Variants in CCDC124 observed in about 807,000 individuals in gnomAD.
The protein encoded by CCDC124 is coiled-coil domain-containing protein 124.
Under a neutral mutation model 19.8 loss-of-function variants are expected in CCDC124, and 9 were observed. The observed-to-expected ratio is 0.45, with a 90% CI of 0.27 to 0.79. CCDC124 has a LOEUF of 0.79. Among genes scored for constraint, CCDC124 ranks in the 30% least tolerant of loss-of-function variants. The probability of loss-of-function intolerance (pLI) is 0.14; values close to 1 mark genes in which losing one functional copy is unlikely to be tolerated. For synonymous variants in CCDC124, 126 were observed against 131.3 expected (o/e 0.96, Z 0.27); for missense variants, 285 against 319.0 (o/e 0.89, Z 0.81).
chr19:17,938,477 C>G (rs1297246503), intron 2 of CCDC124, among the ~76,000 whole-genome samples: 1 of 152,188 alleles, frequency 6.6e-6, no homozygotes, highest in Non-Finnish European at 1.5e-5. Context: ...GTTTCCACAC[C>G]CTGGGTAGCT....
Position 17,943,799 on chromosome 19 carries a change from T to A in CCDC124, c.*84T>A. On this transcript the variant is annotated 3_prime_UTR_variant, in exon 5 of 5. Transcript: ENST00000445755. Reference sequence around the variant, plus strand: ...CCTTAGGCCAGGTCAGCTGCGAGGGTCACAGAGCGTTCCGGGGGCCAAGGC... The same window carrying A: ...CCTTAGGCCAGGTCAGCTGCGAGGGACACAGAGCGTTCCGGGGGCCAAGGC... 1 of 1,371,362 alleles carries A rather than the reference T, an allele frequency of 7.3e-7. No individual in the cohort carries two copies. Among genetic ancestry groups the A allele is most frequent in the Non-Finnish European group, 1.0e-6 (1 of 987,686 alleles). 84.9% of individuals were successfully genotyped at this position (1,371,362 alleles called of 1,614,324 possible).
intron 2 of CCDC124, among the ~76,000 whole-genome samples, chr19:17,940,132 C>T (rs1302890992): frequency 1.5e-5 from 2 of 137,700 alleles, no homozygotes; most frequent in African/African-American, 2.7e-5. Flanking sequence ...AGGCTGGTCT[C>T]CAACTCCTTA....
intron 1 of CCDC124, 103 bp downstream of exon 1, chr19:17,933,151 G>T (rs1258610444): frequency 6.6e-6 from 1 of 152,468 alleles, no homozygotes; most frequent in African/African-American, 2.4e-5. Flanking sequence ...CTGGAGGAGG[G>T]GTGCTGGGAG....
chr19:17,943,256 C>CCCCCCCCCCCCCA lies in CCDC124; in HGVS notation c.350-3_350-2insCCCCCCCCCCACC. ...TCTGTCTCTGTCACCCACCCACCCG[C>CCCCCCCCCCCCCA]CCAGCCGAGAAAGCCAAGAGCCATC... On this transcript the variant is annotated splice_polypyrimidine_tract_variant and splice_region_variant and intron_variant, in intron 3 of 4. Coordinates refer to ENST00000445755, the MANE Select transcript of CCDC124 (RefSeq NM_001136203.2). 6.7e-7 allele frequency: 1 copy of CCCCCCCCCCCCCA among 1,494,786 alleles called. No homozygotes were observed. The highest frequency in any genetic ancestry group is 9.0e-7 in the Non-Finnish European group (1 of 1,105,528). 92.6% of individuals were successfully genotyped at this position (1,494,786 alleles called of 1,614,324 possible).
At chr19:17,934,089 CGAGGCA>C (rs2031007090) in intron 1 of CCDC124, among the ~76,000 whole-genome samples, 1 of 151,814 alleles carries the variant, frequency 6.6e-6, no homozygotes, top group African/African-American at 2.4e-5. Flanking sequence ...TTTGAGAGGC[CGAGGCA>C]AGCGGATCAC....
rs1434813402 is a variant in CCDC124, at chr19:17,943,774, C to T, written c.*59C>T. ...TGGTCCAGGTCACGACTCTGCACGC[C>T]CTTAGGCCAGGTCAGCTGCGAGGGT... On this transcript the variant is annotated 3_prime_UTR_variant, in exon 5 of 5. Coordinates refer to ENST00000445755, the MANE Select transcript of CCDC124 (RefSeq NM_001136203.2). The T allele has an allele frequency of 2.0e-6, 3 of 1,533,796 alleles. No individual in the cohort carries two copies. The East Asian group carries it at 6.9e-5, about 36-fold the overall frequency.
intron 1 of CCDC124, among the ~76,000 whole-genome samples, chr19:17,934,097 G>A (rs746287249): frequency 6.7e-6 from 1 of 149,066 alleles, no homozygotes; most frequent in African/African-American, 2.6e-5. Context: ...GCCGAGGCAA[G>A]CGGATCACTT....
rs1043052120 is a variant in CCDC124 at position 17,943,139 on chromosome 19, C to T, written c.350-122C>T. On this transcript the variant is annotated intron_variant, in intron 3 of 4. Transcript: ENST00000445755. ...ATCAGCTGAAGTCGCGATTCCATCC[C>T]CCCTCATCTCTCCCGCCTTCCTCCC... is the stretch of plus-strand genomic sequence containing the variant. The T allele has an allele frequency of 3.3e-5, 28 of 855,600 alleles. 1 individual carries two copies. In the South Asian group the frequency reaches 3.4e-4, roughly 10 times the overall value. 53.0% of individuals were successfully genotyped at this position (855,600 alleles called of 1,614,324 possible).
In CCDC124 at chr19:17,943,943, G is replaced by T. The variant is rs1356705419; in HGVS notation, c.*228G>T. 3 of 583,156 alleles carry T rather than the reference G, an allele frequency of 5.1e-6. No individual in the cohort carries two copies. The East Asian group carries it at 8.5e-5, about 16-fold the overall frequency. The allele number at this position is 583,156 out of a possible 1,614,324, so 36.1% of individuals were successfully genotyped here. On this transcript the variant is annotated 3_prime_UTR_variant, in exon 5 of 5. Coordinates refer to ENST00000445755, the MANE Select transcript of CCDC124 (RefSeq NM_001136203.2). ...CGGCGCGTGTGTGTAGAGCCTCAGGGCTGAGTGCCCAATAAAGGTGGCGGC... is the reference window on the plus strand; with the variant it reads ...CGGCGCGTGTGTGTAGAGCCTCAGGTCTGAGTGCCCAATAAAGGTGGCGGC...
At chr19:17,941,340 G>GCC (rs1157687274) in intron 2 of CCDC124, among the ~76,000 whole-genome samples, 1 of 151,536 alleles carries the variant, frequency 6.6e-6, no homozygotes, top group Admixed American at 6.6e-5. Flanking sequence ...GTGAAACCCC[G>GCC]TCTCTACTAA....
At chr19:17,938,166 C>T (rs1207752045) in intron 2 of CCDC124, among the ~76,000 whole-genome samples, 1 of 152,094 alleles carries the variant, frequency 6.6e-6, no homozygotes, top group Non-Finnish European at 1.5e-5. Context: ...ATAGCAAGAC[C>T]CCATCTCCAC....
At chr19:17,938,021 A>G (rs1313463897) in intron 2 of CCDC124, among the ~76,000 whole-genome samples, 4 of 152,166 alleles carry the variant, frequency 2.6e-5, no homozygotes, top group Non-Finnish European at 1.5e-5. Context: ...TCCTGAGCCA[A>G]TGTGCCCGGC....
chr19:17,943,748 G>A lies in CCDC124; in HGVS notation c.*33G>A. ...ACTTGGGGAGCCAGTTCACCCACGG[G>A]TGGTCCAGGTCACGACTCTGCACGC... On this transcript the variant is annotated 3_prime_UTR_variant, in exon 5 of 5. Transcript: ENST00000445755. The A allele has an allele frequency of 1.9e-6, 3 of 1,600,472 alleles. No homozygotes were observed. Among genetic ancestry groups the A allele is most frequent in the South Asian group, 2.2e-5 (2 of 89,988 alleles).
In CCDC124 at chr19:17,943,828, G is replaced by A. The variant is rs1419640894; in HGVS notation, c.*113G>A. 1.2e-5 allele frequency: 12 copies of A among 1,042,448 alleles called. No homozygotes were observed. Among genetic ancestry groups the A allele is most frequent in the East Asian group, 1.0e-4 (4 of 38,192 alleles). The allele number at this position is 1,042,448 out of a possible 1,614,324, so 64.6% of individuals were successfully genotyped here. A position where few individuals can be genotyped will look rare whatever the true frequency, so the allele number is the denominator to read the frequency against. Reference sequence around the variant, plus strand: ...AGAGCGTTCCGGGGGCCAAGGCGCCGGGCCCCGGGGCCATGCTCTTATCAC... The same window carrying A: ...AGAGCGTTCCGGGGGCCAAGGCGCCAGGCCCCGGGGCCATGCTCTTATCAC... On this transcript the variant is annotated 3_prime_UTR_variant, in exon 5 of 5. Coordinates refer to ENST00000445755, the MANE Select transcript of CCDC124 (RefSeq NM_001136203.2).
chr19:17,937,600 G>A (rs2031093050), intron 2 of CCDC124, among the ~76,000 whole-genome samples: 1 of 152,122 alleles, frequency 6.6e-6, no homozygotes, highest in Non-Finnish European at 1.5e-5. Context: ...ACTCTAGAAT[G>A]CACAGGACGC....
At position 17,933,358 on chromosome 19, in the gene CCDC124, TG is replaced by T. The variant is rs921064613; in HGVS notation, c.-12+315del. ...CGGCCTCTTGTAGGGGGATTAGTGGTGGGGGACTTCAAAAGGGATAGCCGGG... is the reference window on the plus strand; with the variant it reads ...CGGCCTCTTGTAGGGGGATTAGTGGTGGGGACTTCAAAAGGGATAGCCGGG... On this transcript the variant is annotated intron_variant, in intron 1 of 4. Coordinates refer to ENST00000445755, the MANE Select transcript of CCDC124 (RefSeq NM_001136203.2). 2.0e-5 allele frequency among the ~76,000 whole-genome samples: 3 copies of T among 152,244 alleles called. No homozygotes were observed. The East Asian group carries it at 5.8e-4, about 29-fold the overall frequency.
intron 4 of CCDC124, 57 bp from the exon 5 acceptor site, chr19:17,943,451 G>T (rs1209619166): frequency 6.3e-7 from 1 of 1,576,028 alleles, no homozygotes; most frequent in African/African-American, 1.3e-5. Context: ...GGGCGGGGCC[G>T]GGCTTTTCGG....
rs753234796 is a variant in CCDC124 at position 17,943,467 on chromosome 19, G to C, written c.465-41G>C. The C allele has an allele frequency of 1.4e-5, 22 of 1,595,658 alleles. No homozygotes were observed. The South Asian group carries it at 2.2e-4, about 16-fold the overall frequency. ...GGCGGGGCCGGGCTTTTCGGGGCAAGGCTGCGCCCAAGGCCCCCTGACGCT... is the reference window on the plus strand; with the variant it reads ...GGCGGGGCCGGGCTTTTCGGGGCAACGCTGCGCCCAAGGCCCCCTGACGCT... On this transcript the variant is annotated intron_variant, in intron 4 of 4. Transcript: ENST00000445755.
At chr19:17,936,825 A>G (rs12151051) in intron 2 of CCDC124, 102,737 of 407,762 alleles carry the variant, frequency 0.25, 14,206 homozygotes, top group East Asian at 0.37. Flanking sequence ...TACTAAAAAT[A>G]CAAAAATTAA....
Sources: gnomAD v4.1 joint callset for allele counts (sites outside exome capture counted in the v4.1 genomes callset) on GRCh38, gnomAD v4.1.1 for gene constraint, MANE v1.5 for transcripts, NCBI Gene and HGNC (gene_info 2026-07-23, HGNC 2026-07-21) for gene names.